The following C10orf143 variants were observed in gnomAD, a reference collection of about 807,000 sequenced individuals.
C10orf143 encodes uncharacterized protein C10orf143.
intron 3 of C10orf143, among the ~76,000 whole-genome samples, chr10:130,047,858 G>A (rs759137593): frequency 2.8e-5 from 4 of 141,332 alleles, no homozygotes; most frequent in African/African-American, 7.9e-5. Context: ...TTTTTTTTTC[G>A]GATTTATCAC....
chr10:130,047,394 G>T (rs1363660915), intron 3 of C10orf143, among the ~76,000 whole-genome samples: 2 of 150,918 alleles, frequency 1.3e-5, no homozygotes, highest in Non-Finnish European at 2.9e-5. Context: ...CATCAGCACA[G>T]GGCTTGGGGC....
chr10:130,092,649 C>G (rs570391419), intron 1 of C10orf143, among the ~76,000 whole-genome samples: 1 of 152,134 alleles, frequency 6.6e-6, no homozygotes, highest in East Asian at 1.9e-4. Context: ...CAAGACCCAT[C>G]GGTGTGCTGT....
At chr10:130,067,106 C>T (rs1203595641) in intron 3 of C10orf143, 2 of 152,248 alleles carry the variant, frequency 1.3e-5, no homozygotes, top group African/African-American at 4.8e-5. Context: ...TGCTGCCCAG[C>T]GCCTTCTCCT....
At chr10:130,038,778 C>T (rs1860573362) in intron 3 of C10orf143, among the ~76,000 whole-genome samples, 2 of 152,120 alleles carry the variant, frequency 1.3e-5, no homozygotes, top group Admixed American at 6.5e-5. Flanking sequence ...CTGCCTACAG[C>T]CCACCTCAGT....
chr10:130,053,037 C>T (rs183585788), intron 3 of C10orf143, among the ~76,000 whole-genome samples: 81 of 146,064 alleles, frequency 5.5e-4, no homozygotes, highest in Admixed American at 1.6e-3. Context: ...AGTTTTGTTA[C>T]GCTAGAAGTT....
At chr10:130,101,166 C>G (rs1030904552) in intron 1 of C10orf143, 6 of 151,574 alleles carry the variant, frequency 4.0e-5, no homozygotes, top group Admixed American at 2.0e-4. Context: ...TTGCAGTGAG[C>G]CAAGATCGTG....
downstream of C10orf143, among the ~76,000 whole-genome samples, chr10:130,059,029 A>T (rs1860826070): frequency 6.6e-6 from 1 of 152,234 alleles, no homozygotes; most frequent in African/African-American, 2.4e-5. Context: ...TATGATAAAA[A>T]TGGAATGGAC....
At chr10:130,103,283 C>CG (rs1861588233) in intron 1 of C10orf143, among the ~76,000 whole-genome samples, 1 of 152,060 alleles carries the variant, frequency 6.6e-6, no homozygotes, top group Admixed American at 6.6e-5. Context: ...ACAGCTGAGT[C>CG]TTGATTTTTT....
At chr10:130,102,011 G>A (rs1861565755) in intron 1 of C10orf143, among the ~76,000 whole-genome samples, 1 of 151,834 alleles carries the variant, frequency 6.6e-6, no homozygotes, top group Non-Finnish European at 1.5e-5. Flanking sequence ...TCATGCCTGT[G>A]ATCCCAACAC....
chr10:130,060,693 G>A (rs147213843), downstream of C10orf143, among the ~76,000 whole-genome samples: 442 of 151,694 alleles, frequency 2.9e-3, 6 homozygotes, highest in African/African-American at 1.0e-2. Flanking sequence ...GCGTGGTAGC[G>A]GGCACCTGCA....
chr10:130,056,034 C>T lies in C10orf143; in HGVS notation c.298-20064G>A, dbSNP rs1378256359. Among the ~76,000 whole-genome samples, 1 of 140,688 alleles carries T rather than the reference C, an allele frequency of 7.1e-6. No individual in the cohort carries two copies. The highest frequency in any genetic ancestry group is 2.2e-4 in the East Asian group (1 of 4,526). 92.3% of individuals were successfully genotyped at this position (140,688 alleles called of 152,430 possible). Reference sequence around the variant, plus strand: ...AGAGTGATGAAATAGATCATTTTAACTGAAAAATGCATTGGTGGCTGATGA... The same window carrying T: ...AGAGTGATGAAATAGATCATTTTAATTGAAAAATGCATTGGTGGCTGATGA... On this transcript the variant is annotated intron_variant and NMD_transcript_variant, in intron 3 of 5. Coordinates refer to the C10orf143 transcript ENST00000643056. This position sits in a 1 kb window ranked among gnomAD's most constrained non-coding sequence, Gnocchi z 4.6.
At chr10:130,061,819 G>C (rs908049413), downstream of C10orf143, among the ~76,000 whole-genome samples, 1 of 152,196 alleles carries the variant, frequency 6.6e-6, no homozygotes, top group East Asian at 1.9e-4. Context: ...AAATTAATTT[G>C]CCAGGGAGAA....
chr10:130,058,563 A>G (rs1010892966), intron 3 of C10orf143, among the ~76,000 whole-genome samples: 6 of 142,088 alleles, frequency 4.2e-5, no homozygotes, highest in African/African-American at 1.5e-4. Flanking sequence ...AAAATGCACT[A>G]GTAGGTTTTA....
At chr10:130,039,465 A>G (rs1290761776) in intron 3 of C10orf143, among the ~76,000 whole-genome samples, 1 of 152,116 alleles carries the variant, frequency 6.6e-6, no homozygotes, top group Non-Finnish European at 1.5e-5. Flanking sequence ...GATCAAGCAG[A>G]GAGAGCAAAC....
At chr10:130,079,037 A>C (rs1188322309) in intron 3 of C10orf143, among the ~76,000 whole-genome samples, 1 of 152,196 alleles carries the variant, frequency 6.6e-6, no homozygotes, top group Non-Finnish European at 1.5e-5. Context: ...ATGCTAATAT[A>C]TACTTTATGA....
intron 3 of C10orf143, among the ~76,000 whole-genome samples, chr10:130,073,190 G>T (rs1209082663): frequency 1.3e-5 from 2 of 152,142 alleles, no homozygotes; most frequent in Non-Finnish European, 2.9e-5. Flanking sequence ...CCTACACACT[G>T]GGTGGTGGAG....
rs765817244 is a variant in C10orf143 at position 130,106,891 on chromosome 10, A to C, written c.69+3813T>G. On this transcript the variant is annotated intron_variant, in intron 1 of 3. Transcript: ENST00000637128. ...TGAAAGATTGGGCTGCTAGGCTTAG[A>C]GAAGACGTAACGGATGATGATAACT... 2.8e-6 allele frequency: 3 copies of C among 1,054,140 alleles called. No homozygotes were observed. In the African/African-American group the frequency reaches 4.6e-5, roughly 16 times the overall value. The allele number at this position is 1,054,140 out of a possible 1,614,324, so 65.3% of individuals were successfully genotyped here. A position where few individuals can be genotyped will look rare whatever the true frequency, so the allele number is the denominator to read the frequency against.
At chr10:130,051,154 C>T (rs76327273) in intron 3 of C10orf143, among the ~76,000 whole-genome samples, 5,051 of 152,192 alleles carry the variant, frequency 0.033, 262 homozygotes, top group African/African-American at 0.12. Context: ...CTTGGTCATA[C>T]TTGCTTTTGC....
intron 1 of C10orf143, among the ~76,000 whole-genome samples, chr10:130,084,281 TC>T (rs1166570400): frequency 6.6e-6 from 1 of 151,782 alleles, no homozygotes; most frequent in Non-Finnish European, 1.5e-5. Context: ...ACCACTGCAC[TC>T]CAACCTGTGC....
Sources: allele counts gnomAD v4.1 joint callset (sites outside exome capture counted in the v4.1 genomes callset), GRCh38; gene constraint gnomAD v4.1.1; non-coding constraint Gnocchi (gnomAD v3.1); transcripts MANE v1.5; gene names NCBI Gene and HGNC (gene_info 2026-07-23, HGNC 2026-07-21).